TMEM132D: variants seen among roughly 807,000 people sequenced by gnomAD.
TMEM132D encodes mature OL transmembrane protein.
In TMEM132D, 21 loss-of-function variants were observed where a neutral mutation model predicts 62.3. The ratio of observed to expected loss-of-function variants is 0.34; its 90% CI spans 0.24 to 0.49. The LOEUF (loss-of-function observed/expected upper bound fraction) is 0.49. TMEM132D is among the 20% of genes least tolerant of loss of function. The probability of loss-of-function intolerance (pLI) is 0.99; values close to 1 mark genes in which losing one functional copy is unlikely to be tolerated. For synonymous variants in TMEM132D, 621 were observed against 575.6 expected, an observed-to-expected ratio of 1.08 and a Z score of -1.13; for missense variants, 1,346 against 1,402.8, an observed-to-expected ratio of 0.96 and a Z score of 0.65.
chr12:129,466,999 C>G (rs1873932323), intron 3 of TMEM132D, among the ~76,000 whole-genome samples: 1 of 152,188 alleles, frequency 6.6e-6, no homozygotes, highest in African/African-American at 2.4e-5. Context: ...CCTTAAAAGG[C>G]AGGAACAGTC....
At chr12:129,580,601 G>A (rs1877821682) in intron 2 of TMEM132D, among the ~76,000 whole-genome samples, 1 of 152,144 alleles carries the variant, frequency 6.6e-6, no homozygotes. Context: ...CTACTCAGGA[G>A]GCTGAGGCAG....
intron 1 of TMEM132D, among the ~76,000 whole-genome samples, chr12:129,735,937 C>T (rs1869409043): frequency 1.3e-5 from 2 of 152,168 alleles, no homozygotes; most frequent in African/African-American, 4.8e-5. Context: ...GGGGCAGCAA[C>T]AGGATGCTGA....
At chr12:129,668,656 AT>A (rs1193227774) in intron 2 of TMEM132D, among the ~76,000 whole-genome samples, 1 of 152,234 alleles carries the variant, frequency 6.6e-6, no homozygotes, top group Non-Finnish European at 1.5e-5. Flanking sequence ...TGTGAACAAA[AT>A]TTGAAGCATA....
chr12:129,641,515 C>T (rs757717950), intron 2 of TMEM132D, among the ~76,000 whole-genome samples: 16 of 152,184 alleles, frequency 1.1e-4, no homozygotes, highest in African/African-American at 2.9e-4. Context: ...GTGCTACTAA[C>T]GCACATCCGT....
At position 129,082,146 on chromosome 12, in the gene TMEM132D, G is replaced by A. The variant is rs1238392730; in HGVS notation, c.1650-114C>T. The A allele has an allele frequency of 3.0e-6, 4 of 1,320,110 alleles. No individual in the cohort carries two copies. The African/African-American group carries it at 4.4e-5, about 14-fold the overall frequency. 81.8% of individuals were successfully genotyped at this position (1,320,110 alleles called of 1,614,324 possible). ...TAGGTAGGCCATGAGACTTCAAGGAGTTTATAGCCAGACATGCAGAGGTGA... is the reference window on the plus strand; with the variant it reads ...TAGGTAGGCCATGAGACTTCAAGGAATTTATAGCCAGACATGCAGAGGTGA... On this transcript the variant is annotated intron_variant, in intron 6 of 8. Transcript: ENST00000422113.
chr12:129,705,064 G>A (rs1881471276), intron 1 of TMEM132D, among the ~76,000 whole-genome samples: 1 of 152,036 alleles, frequency 6.6e-6, no homozygotes, highest in South Asian at 2.1e-4. Context: ...ATATGAGAAT[G>A]GGAGCTTTTG....
At chr12:129,622,702 G>A (rs965539485) in intron 2 of TMEM132D, among the ~76,000 whole-genome samples, 8 of 152,236 alleles carry the variant, frequency 5.3e-5, no homozygotes, top group South Asian at 2.1e-4. Flanking sequence ...AGAACCTGGC[G>A]GGGACCATCC....
intron 1 of TMEM132D, among the ~76,000 whole-genome samples, chr12:129,783,773 C>T (rs1241008963): frequency 6.6e-6 from 1 of 152,202 alleles, no homozygotes; most frequent in Admixed American, 6.5e-5. Context: ...GGAGTAACAT[C>T]TGTGATATTT....
intron 2 of TMEM132D, among the ~76,000 whole-genome samples, chr12:129,578,935 C>G (rs990638491): frequency 2.0e-5 from 3 of 152,120 alleles, no homozygotes; most frequent in Admixed American, 6.5e-5. Flanking sequence ...ACAGACACAC[C>G]TAGAAATAAT....
intron 3 of TMEM132D, among the ~76,000 whole-genome samples, chr12:129,395,481 G>A (rs1328709090): frequency 6.6e-6 from 1 of 152,008 alleles, no homozygotes; most frequent in South Asian, 2.1e-4. Context: ...TTTTTGTAAT[G>A]TTCTTATGGA....
chr12:129,320,301 C>T (rs1024104674), intron 4 of TMEM132D, among the ~76,000 whole-genome samples: 2 of 152,190 alleles, frequency 1.3e-5, no homozygotes, highest in Admixed American at 1.3e-4. Flanking sequence ...ACCATCATCT[C>T]TGAGGATACT....
intron 4 of TMEM132D, among the ~76,000 whole-genome samples, chr12:129,222,017 T>G (rs974593415): frequency 2.0e-5 from 3 of 152,236 alleles, no homozygotes; most frequent in Non-Finnish European, 4.4e-5. Flanking sequence ...AATAGATTTA[T>G]AAACCGCTCT....
At position 129,307,954 on chromosome 12, in the gene TMEM132D, T is replaced by G. The variant is rs184784778; in HGVS notation, c.1299+29680A>C. ...TAAAGTCTAGACACCATCTCCAAACTTATCTTGAGACATTTCTCTCGAACT... is the reference window on the plus strand; with the variant it reads ...TAAAGTCTAGACACCATCTCCAAACGTATCTTGAGACATTTCTCTCGAACT... On this transcript the variant is annotated intron_variant, in intron 4 of 8. Transcript: ENST00000422113. Among the ~76,000 whole-genome samples, 260 of 152,352 alleles carry G rather than the reference T, an allele frequency of 1.7e-3. 1 individual carries two copies. The highest frequency in any genetic ancestry group is 5.9e-3 in the African/African-American group (247 of 41,584).
At chr12:129,256,389 T>C (rs1880400475) in intron 4 of TMEM132D, among the ~76,000 whole-genome samples, 1 of 152,016 alleles carries the variant, frequency 6.6e-6, no homozygotes, top group Non-Finnish European at 1.5e-5. Flanking sequence ...GTGACATAGC[T>C]GTAGCTAATT....
chr12:129,394,873 G>C (rs933771134), intron 3 of TMEM132D, among the ~76,000 whole-genome samples: 2 of 152,180 alleles, frequency 1.3e-5, no homozygotes, highest in African/African-American at 4.8e-5. Context: ...TCTTTTGGGG[G>C]TGACAGAAAG....
At chr12:129,789,494 G>A (rs1871340035) in intron 1 of TMEM132D, among the ~76,000 whole-genome samples, 1 of 152,172 alleles carries the variant, frequency 6.6e-6, no homozygotes, top group Non-Finnish European at 1.5e-5. Flanking sequence ...ATCAACCAAA[G>A]AGTGGATAAG....
chr12:129,079,300 A>T (rs1340737216), intron 7 of TMEM132D, among the ~76,000 whole-genome samples: 1 of 152,166 alleles, frequency 6.6e-6, no homozygotes, highest in East Asian at 1.9e-4. Context: ...GCAGCGCATG[A>T]TGCCTGTTGA....
At chr12:129,177,316 C>A (rs904061926) in intron 5 of TMEM132D, among the ~76,000 whole-genome samples, 1 of 152,062 alleles carries the variant, frequency 6.6e-6, no homozygotes, top group Admixed American at 6.6e-5. Context: ...AACAAAAACC[C>A]AGCTCCAATG....
At chr12:129,121,556 C>T (rs1418980613) in intron 5 of TMEM132D, among the ~76,000 whole-genome samples, 1 of 152,158 alleles carries the variant, frequency 6.6e-6, no homozygotes, top group East Asian at 1.9e-4. Flanking sequence ...ACTCAACCCA[C>T]TGTTGCTGGA....
Sources: gnomAD v4.1 joint callset for allele counts (sites outside exome capture counted in the v4.1 genomes callset) on GRCh38, gnomAD v4.1.1 for gene constraint, MANE v1.5 for transcripts, NCBI Gene and HGNC (gene_info 2026-07-23, HGNC 2026-07-21) for gene names.